The following EPHA2 variants were observed in gnomAD, a reference collection of about 807,000 sequenced individuals.
The protein encoded by EPHA2 is ephrin type-A receptor 2.
Under a neutral mutation model 104.9 loss-of-function variants are expected in EPHA2, and 54 were observed. The ratio of observed to expected loss-of-function variants is 0.51; its 90% CI spans 0.41 to 0.65. The LOEUF is 0.65. Ranked by LOEUF, EPHA2 falls within the 30% of genes least tolerant of loss-of-function variation. EPHA2 has a pLI of 0.00. For synonymous variants in EPHA2, 560 were observed against 559.1 expected, an observed-to-expected ratio of 1.00 and a Z score of -0.02; for missense variants, 1,117 against 1,369.5, an observed-to-expected ratio of 0.82 and a Z score of 2.91.
chr1:16,144,168 T>A (rs2024884203), intron 3 of EPHA2, among the ~76,000 whole-genome samples: 1 of 152,078 alleles, frequency 6.6e-6, no homozygotes, highest in Admixed American at 6.5e-5. Context: ...GAGAAGCCGG[T>A]GCCCGCCCAG....
Position 16,125,368 on chromosome 1 carries a change from A to C in EPHA2, c.2826-48T>G. ...GGAGAGTTAGGGGCTGGAGCAGGGG[A>C]GGGGGCCGGGCTGGGTGGGGACAGG... On this transcript the variant is annotated intron_variant, in intron 16 of 16. Coordinates refer to ENST00000358432, the MANE Select transcript of EPHA2 (RefSeq NM_004431.5). The surrounding 1 kb of genome is among the most constrained non-coding windows in gnomAD (Gnocchi z 4.9). The C allele has an allele frequency of 2.7e-5, 2 of 74,604 alleles. No individual in the cohort carries two copies. The highest frequency in any genetic ancestry group is 2.8e-5 in the Non-Finnish European group (1 of 35,400). 4.6% of individuals were successfully genotyped at this position (74,604 alleles called of 1,614,324 possible). A position where few individuals can be genotyped will look rare whatever the true frequency, so the allele number is the denominator to read the frequency against.
chr1:16,154,870 G>C (rs2025121145), intron 1 of EPHA2, among the ~76,000 whole-genome samples: 1 of 151,862 alleles, frequency 6.6e-6, no homozygotes, highest in African/African-American at 2.4e-5. Context: ...AGGAGGGGAA[G>C]CCTTGCCCTC....
At chr1:16,145,634 C>G (rs1477676327) in intron 3 of EPHA2, among the ~76,000 whole-genome samples, 1 of 152,096 alleles carries the variant, frequency 6.6e-6, no homozygotes, top group African/African-American at 2.4e-5. Flanking sequence ...TCAATGTACC[C>G]AGCAGTGCCC....
Position 16,130,289 on chromosome 1 carries a change from C to T in EPHA2, c.2606G>A (p.Ser869Asn), listed in dbSNP as rs2124195214. Residue 869 changes from serine to asparagine, a missense_variant, in exon 15 of 17, where the codon AGC becomes AAC. Physicochemically the swap from Ser to Asn is conservative, Grantham distance 46. Coordinates refer to ENST00000358432, the MANE Select transcript of EPHA2 (RefSeq NM_004431.5). This position sits in a 1 kb window ranked among gnomAD's most constrained non-coding sequence, Gnocchi z 4.5. ...GGCACGAATGAGCTTGTCCAGGATG[C>T]TGACGATGTCAGCGAACTTGGGGCG... ...ARRPKFADIV[S>N]ILDKLIRAPD... 6.2e-7 allele frequency: 1 copy of T among 1,612,926 alleles called. No individual in the cohort carries two copies. The highest frequency in any genetic ancestry group is 8.5e-7 in the Non-Finnish European group (1 of 1,179,202).
Position 16,134,349 on chromosome 1 carries a change from G to T in EPHA2, c.1682+119C>A. ...TCGTATATCCTCGCACCATCCGGAG[G>T]CAGGGATTAGACTCGACTAGCATCC... On this transcript the variant is annotated intron_variant, in intron 8 of 16. Transcript: ENST00000358432. The surrounding 1 kb of genome is among the most constrained non-coding windows in gnomAD (Gnocchi z 4.5). 9.0e-7 allele frequency: 1 copy of T among 1,112,442 alleles called. No individual in the cohort carries two copies. Among genetic ancestry groups the T allele is most frequent in the Non-Finnish European group, 1.3e-6 (1 of 744,882 alleles). The allele number at this position is 1,112,442 out of a possible 1,614,324, so 68.9% of individuals were successfully genotyped here.
Position 16,150,085 on chromosome 1 carries a change from G to A in EPHA2, c.153+811C>T, listed in dbSNP as rs1465518473. Among the ~76,000 whole-genome samples the A allele has an allele frequency of 6.6e-6, 1 of 152,126 alleles. No individual in the cohort carries two copies. The highest frequency in any genetic ancestry group is 2.4e-5 in the African/African-American group (1 of 41,414). ...TTCCAGGATCCTAGAAACCTGCTCAGGGCTACACCCCAGCCAAGCCTGCCC... is the reference window on the plus strand; with the variant it reads ...TTCCAGGATCCTAGAAACCTGCTCAAGGCTACACCCCAGCCAAGCCTGCCC... On this transcript the variant is annotated intron_variant, in intron 2 of 16. Transcript: ENST00000358432. This position sits in a 1 kb window ranked among gnomAD's most constrained non-coding sequence, Gnocchi z 4.8.
Position 16,129,582 on chromosome 1 carries a change from T to C in EPHA2, c.2677A>G (p.Ile893Val). ...TLADFDPRVS[I>V]RLPSTSGSEG... ...GAGCCGCTCGTGCTGGGGAGCCGGA[T>C]AGACACGCTGCAACAGGAAGCACTG... is the stretch of plus-strand genomic sequence containing the variant. Residue 893 changes from isoleucine (I) to valine (V), a missense_variant, in exon 16 of 17, where the codon ATC (isoleucine) becomes GTC (valine). Ile to Val is a conservative substitution (Grantham distance 29). This residue lies in a region of EPHA2 where 340 missense variants were observed against 480.5 expected (regional missense o/e 0.71). Coordinates refer to ENST00000358432, the MANE Select transcript of EPHA2 (RefSeq NM_004431.5). 1 of 1,610,362 alleles carries C rather than the reference T, an allele frequency of 6.2e-7. No individual in the cohort carries two copies. The highest frequency in any genetic ancestry group is 1.1e-5 in the South Asian group (1 of 91,028).
In EPHA2 at chr1:16,150,446, G is replaced by A. The variant is rs1437346727; in HGVS notation, c.153+450C>T. 6.6e-6 allele frequency among the ~76,000 whole-genome samples: 1 copy of A among 152,214 alleles called. No individual in the cohort carries two copies. The highest frequency in any genetic ancestry group is 1.9e-4 in the East Asian group (1 of 5,202). ...AAGGGGAAGCAACAGCTAGAGGTGG[G>A]AAAGGGGCGGGCAGGAAGGAACTTG... is the stretch of plus-strand genomic sequence containing the variant. On this transcript the variant is annotated intron_variant, in intron 2 of 16. Coordinates refer to ENST00000358432, the MANE Select transcript of EPHA2 (RefSeq NM_004431.5). This position sits in a 1 kb window ranked among gnomAD's most constrained non-coding sequence, Gnocchi z 4.8.
Position 16,148,659 on chromosome 1 carries a change from G to T in EPHA2, c.542C>A (p.Ala181Asp). 1 of 1,609,664 alleles carries T rather than the reference G, an allele frequency of 6.2e-7. No individual in the cohort carries two copies. ...CACACAGGCACCGATATCCTGGAAG[G>T]CCAGGTAGAAGCCTTTGCGGGTGAG... The part of the protein sequence containing the change: ...GPLTRKGFYL[A>D]FQDIGACVAL... Residue 181 changes from alanine (A) to aspartate (D), a missense_variant, in exon 3 of 17, where the codon GCC becomes GAC. Ala to Asp is a moderately radical substitution (Grantham distance 126). Transcript: ENST00000358432. This position sits in a 1 kb window ranked among gnomAD's most constrained non-coding sequence, Gnocchi z 4.9.
At chr1:16,154,583 G>T (rs1319930213) in intron 1 of EPHA2, among the ~76,000 whole-genome samples, 2 of 151,674 alleles carry the variant, frequency 1.3e-5, no homozygotes, top group African/African-American at 4.8e-5. Context: ...GTGAAACCTC[G>T]TCTCCACTAA....
intron 15 of EPHA2, 132 bp from the exon 16 acceptor site, chr1:16,129,721 AAGCCCAG>A: frequency 3.3e-6 from 4 of 1,215,382 alleles, no homozygotes; most frequent in Non-Finnish European, 4.5e-6. Flanking sequence ...GGCAACAGGG[AAGCCCAG>A]TCAAGTAGGG....
In EPHA2 at chr1:16,125,415, G is replaced by A; in HGVS notation, c.2826-95C>T. ...CAGGACTCGGTGGGCGGCTGGGGAG[G>A]GGAGTGGAGGGAGGCAGAGGAGGAG... On this transcript the variant is annotated intron_variant, in intron 16 of 16. Transcript: ENST00000358432. This position sits in a 1 kb window ranked among gnomAD's most constrained non-coding sequence, Gnocchi z 4.9. 1 of 833,520 alleles carries A rather than the reference G, an allele frequency of 1.2e-6. No homozygotes were observed. The highest frequency in any genetic ancestry group is 1.8e-6 in the Non-Finnish European group (1 of 543,642). 51.6% of individuals were successfully genotyped at this position (833,520 alleles called of 1,614,324 possible).
Position 16,135,081 on chromosome 1 carries a change from C to T in EPHA2, c.1537G>A (p.Glu513Lys). The T allele has an allele frequency of 1.2e-6, 2 of 1,613,794 alleles. No individual in the cohort carries two copies. The highest frequency in any genetic ancestry group is 1.7e-6 in the Non-Finnish European group (2 of 1,180,022). ...ACCTTGCTGCCGGCCCCCTGGCCCTCCTGCGTCAGTGCCTGCACCTGGACC... is the reference window on the plus strand; with the variant it reads ...ACCTTGCTGCCGGCCCCCTGGCCCTTCTGCGTCAGTGCCTGCACCTGGACC... ...YLVQVQALTQ[E>K]GQGAGSKVHE... is the part of the protein sequence containing the mutation. The change falls in exon 7 of 17, where the codon GAG (glutamate) becomes AAG (lysine). Residue 513 changes from glutamate (E) to lysine (K), a missense_variant. By Grantham distance (56) the Glu-to-Lys change is moderately conservative (BLOSUM62 1). This residue lies in a region of EPHA2 where 664 missense variants were observed against 784.8 expected (regional missense o/e 0.85). Transcript: ENST00000358432. The surrounding 1 kb of genome is among the most constrained non-coding windows in gnomAD (Gnocchi z 4.3).
chr1:16,133,488 G>T lies in EPHA2; in HGVS notation c.1857C>A (p.Ile619=), dbSNP rs140767966. The change falls in exon 10 of 17, where the codon ATC becomes ATA. Residue 619 remains isoleucine, a synonymous_variant. Transcript: ENST00000358432. ...HPSCVTRQKV[I]GAGEFGEVYK... Reference sequence around the variant, plus strand: ...GCAGGGGGCCAACCTCACCTGCTCCGATCACCTTCTGCCGAGTGACACAGG... The same window carrying T: ...GCAGGGGGCCAACCTCACCTGCTCCTATCACCTTCTGCCGAGTGACACAGG... The T allele has an allele frequency of 1.9e-6, 3 of 1,614,062 alleles. No homozygotes were observed. The highest frequency in any genetic ancestry group is 2.5e-6 in the Non-Finnish European group (3 of 1,179,974).
At position 16,135,381 on chromosome 1, in the gene EPHA2, G is replaced by C. The variant is rs2024663559; in HGVS notation, c.1429-192C>G. 6.6e-6 allele frequency among the ~76,000 whole-genome samples: 1 copy of C among 152,200 alleles called. No homozygotes were observed. The highest frequency in any genetic ancestry group is 2.4e-5 in the African/African-American group (1 of 41,448). On this transcript the variant is annotated intron_variant, in intron 6 of 16. Transcript: ENST00000358432. This position sits in a 1 kb window ranked among gnomAD's most constrained non-coding sequence, Gnocchi z 4.3. ...TCAAGGTCAGAACCACTAAATGCAT[G>C]AGCCAGGACTCAAACTGAGTGTGTG...
At chr1:16,141,478 G>A (rs78135099) in intron 3 of EPHA2, among the ~76,000 whole-genome samples, 9,181 of 152,332 alleles carry the variant, frequency 0.06, 906 homozygotes, top group African/African-American at 0.21. Flanking sequence ...CCTGGGGTCA[G>A]TTCCCCCAAA....
intron 3 of EPHA2, among the ~76,000 whole-genome samples, chr1:16,146,191 G>C (rs1010714375): frequency 6.6e-6 from 1 of 152,206 alleles, no homozygotes; most frequent in African/African-American, 2.4e-5. Flanking sequence ...GAACAATCCG[G>C]CAGTAGGTGA....
At chr1:16,138,548 T>G in intron 3 of EPHA2, 118 bp from the exon 4 acceptor site, 2 of 1,441,266 alleles carry the variant, frequency 1.4e-6, no homozygotes, top group Non-Finnish European at 1.9e-6. Flanking sequence ...AGTAAATCTC[T>G]ATGGACCTGT....
Position 16,133,878 on chromosome 1 carries a change from C to A in EPHA2, c.1720G>T (p.Val574Phe), listed in dbSNP as rs201325716. The A allele has an allele frequency of 1.3e-6, 2 of 1,550,134 alleles. No individual in the cohort carries two copies. Among genetic ancestry groups the A allele is most frequent in the Admixed American group, 2.0e-5 (1 of 50,836 alleles). The stretch of plus-strand genomic sequence containing the variant: ...GTCTCACCTGACTTGGAGAAGTAAA[C>A]GTCCTCCGGGGACTGGCGGGCACGC... ...NQRARQSPED[V>F]YFSKSEQLKP... The change falls in exon 9 of 17, where the codon GTT becomes TTT. Residue 574 changes from valine (V) to phenylalanine (F), a missense_variant. Transcript: ENST00000358432.
Sources: gnomAD v4.1 joint callset for allele counts (sites outside exome capture counted in the v4.1 genomes callset) on GRCh38, gnomAD v4.1.1 for gene constraint, gnomAD v4.1.1 regional missense constraint, Gnocchi (gnomAD v3.1) non-coding constraint, MANE v1.5 for transcripts, NCBI Gene and HGNC (gene_info 2026-07-23, HGNC 2026-07-21) for gene names.